Variants in DTNA observed in about 807,000 individuals in gnomAD.
The protein encoded by DTNA is dystrophin-related protein 3.
Under a neutral mutation model 100.7 loss-of-function variants are expected in DTNA, and 43 were observed. That is an observed-to-expected ratio of 0.43 (90% CI 0.33 to 0.55). The LOEUF (loss-of-function observed/expected upper bound fraction) is 0.55. Ranked by LOEUF, DTNA falls within the 20% of genes least tolerant of loss-of-function variation. The pLI, the probability that DTNA is intolerant of heterozygous loss-of-function variation, is 0.04. For missense variants in DTNA, 798 were observed against 953.9 expected, an observed-to-expected ratio of 0.84 and a Z score of 2.15; for synonymous variants, 349 against 347.9, an observed-to-expected ratio of 1.00 and a Z score of -0.04.
intron 1 of DTNA, among the ~76,000 whole-genome samples, chr18:34,715,512 T>C (rs1302495199): frequency 6.6e-6 from 1 of 152,108 alleles, no homozygotes; most frequent in Non-Finnish European, 1.5e-5. Flanking sequence ...CAATATTTTA[T>C]ATCTGAAACC....
chr18:34,756,083 T>C (rs749124497), intron 2 of DTNA, 40 bp downstream of exon 2: 66 of 1,584,244 alleles, frequency 4.2e-5, no homozygotes, highest in South Asian at 3.8e-4. Context: ...ATAGTTTCCA[T>C]TGAATACTCA....
chr18:34,554,358 C>T (rs1262344509), intron 1 of DTNA, among the ~76,000 whole-genome samples: 6 of 144,696 alleles, frequency 4.1e-5, no homozygotes, highest in Non-Finnish European at 7.5e-5. Context: ...TAATTGAATG[C>T]CCTTTATTTC....
At chr18:34,538,824 G>A (rs1381581422) in intron 1 of DTNA, among the ~76,000 whole-genome samples, 2 of 151,882 alleles carry the variant, frequency 1.3e-5, no homozygotes, top group East Asian at 3.9e-4. Flanking sequence ...AATTGTATGT[G>A]TACAGTCTTT....
intron 1 of DTNA, among the ~76,000 whole-genome samples, chr18:34,576,212 A>G (rs2685556): frequency 0.092 from 14,050 of 152,206 alleles, 653 homozygotes; most frequent in South Asian, 0.11. Context: ...AAGCTGTGTG[A>G]CTATTGCATG....
chr18:34,775,780 C>T (rs1178922546), intron 3 of DTNA, among the ~76,000 whole-genome samples: 1 of 152,208 alleles, frequency 6.6e-6, no homozygotes, highest in African/African-American at 2.4e-5. Flanking sequence ...CAGCCAACAC[C>T]TTGATTTAAT....
intron 1 of DTNA, among the ~76,000 whole-genome samples, chr18:34,653,861 A>G (rs2073970959): frequency 6.6e-6 from 1 of 152,148 alleles, no homozygotes. Flanking sequence ...ACCACTGAGG[A>G]ATCCATGCTA....
chr18:34,831,511 TAA>T (rs1424321880), intron 11 of DTNA, among the ~76,000 whole-genome samples: 1 of 152,240 alleles, frequency 6.6e-6, no homozygotes, highest in East Asian at 1.9e-4. Context: ...CTCACGCCTG[TAA>T]TCCCAGCAAT....
At chr18:34,559,349 G>T (rs1205897526) in intron 1 of DTNA, among the ~76,000 whole-genome samples, 1 of 152,118 alleles carries the variant, frequency 6.6e-6, no homozygotes, top group Non-Finnish European at 1.5e-5. Flanking sequence ...ATAAGTGGGG[G>T]GAAAAATGAA....
At chr18:34,604,321 G>A (rs866767466) in intron 1 of DTNA, among the ~76,000 whole-genome samples, 2 of 152,038 alleles carry the variant, frequency 1.3e-5, no homozygotes, top group South Asian at 2.1e-4. Context: ...ACTTCTTTCT[G>A]TACCATAGAA....
In DTNA at chr18:34,523,576, T is replaced by G. The variant is rs189837038; in HGVS notation, c.-2+30062T>G. Reference sequence around the variant, plus strand: ...GATTCATGGGCATTTTCTAATAATATTTCACATTTATATTTCACCTTGCAC... The same window carrying G: ...GATTCATGGGCATTTTCTAATAATAGTTCACATTTATATTTCACCTTGCAC... On this transcript the variant is annotated intron_variant, in intron 1 of 19. Transcript: ENST00000283365. 2.0e-5 allele frequency among the ~76,000 whole-genome samples: 3 copies of G among 152,292 alleles called. No individual in the cohort carries two copies. In the East Asian group the frequency reaches 5.8e-4, roughly 29 times the overall value.
chr18:34,617,944 C>T (rs1294710609), intron 1 of DTNA, among the ~76,000 whole-genome samples: 1 of 152,092 alleles, frequency 6.6e-6, no homozygotes, highest in African/African-American at 2.4e-5. Flanking sequence ...TACCTGTATG[C>T]ACATTTTTAG....
At chr18:34,783,234 C>A (rs1476008528) in intron 3 of DTNA, among the ~76,000 whole-genome samples, 2 of 152,134 alleles carry the variant, frequency 1.3e-5, no homozygotes, top group African/African-American at 4.8e-5. Context: ...TATAGTGTGA[C>A]AGCTACTGAG....
intron 1 of DTNA, among the ~76,000 whole-genome samples, chr18:34,713,156 GATGATA>G (rs1278265782): frequency 1.3e-5 from 2 of 152,050 alleles, no homozygotes; most frequent in Non-Finnish European, 2.9e-5. Flanking sequence ...CCATGATCAT[GATGATA>G]ATGATAACGA....
intron 1 of DTNA, among the ~76,000 whole-genome samples, chr18:34,577,114 C>T (rs1184528773): frequency 6.6e-6 from 1 of 152,140 alleles, no homozygotes; most frequent in African/African-American, 2.4e-5. Context: ...ATGCGTTTGT[C>T]TATTCTCACT....
intron 1 of DTNA, among the ~76,000 whole-genome samples, chr18:34,614,789 A>G (rs2054915150): frequency 1.3e-5 from 2 of 152,256 alleles, no homozygotes; most frequent in African/African-American, 4.8e-5. Context: ...TTCCTGGTCA[A>G]GACTCTGTCA....
intron 1 of DTNA, among the ~76,000 whole-genome samples, chr18:34,747,104 C>CTATCTATCTATA (rs1041438583): frequency 1.5e-4 from 22 of 148,312 alleles, no homozygotes; most frequent in African/African-American, 5.5e-4. Context: ...ATATCTGTAT[C>CTATCTATCTATA]TATATATATA....
At chr18:34,849,552 C>A (rs1018074041) in intron 14 of DTNA, among the ~76,000 whole-genome samples, 1 of 152,180 alleles carries the variant, frequency 6.6e-6, no homozygotes, top group African/African-American at 2.4e-5. Context: ...TTAGCATCCA[C>A]TGAGATAGTA....
intron 3 of DTNA, among the ~76,000 whole-genome samples, chr18:34,778,795 A>C (rs201405920): frequency 0.14 from 21,738 of 151,988 alleles, 1,627 homozygotes; most frequent in African/African-American, 0.18. Flanking sequence ...AAAGCTATAT[A>C]TATAGGGAAA....
chr18:34,755,910 C>T (rs1458190516), intron 1 of DTNA, 66 bp from the exon 2 acceptor site: 1 of 1,413,308 alleles, frequency 7.1e-7, no homozygotes, highest in Non-Finnish European at 1.0e-6. Flanking sequence ...AGTACGTTTA[C>T]AGAGAAATGG....
Sources: gnomAD v4.1 joint callset for allele counts (sites outside exome capture counted in the v4.1 genomes callset) on GRCh38, gnomAD v4.1.1 for gene constraint, MANE v1.5 for transcripts, NCBI Gene and HGNC (gene_info 2026-07-23, HGNC 2026-07-21) for gene names.